The following CABYR variants were observed in gnomAD, a reference collection of about 807,000 sequenced individuals.
The protein encoded by CABYR is calcium-binding tyrosine phosphorylation-regulated protein.
Under a neutral mutation model 36.1 loss-of-function variants are expected in CABYR, and 31 were observed. That is an observed-to-expected ratio of 0.86 (90% CI 0.64 to 1.16). The LOEUF is 1.16. Among genes scored for constraint, CABYR ranks in the 50% most tolerant of loss-of-function variants. CABYR has a pLI of 0.00. For missense variants in CABYR, 429 were observed against 455.8 expected, an observed-to-expected ratio of 0.94 and a Z score of 0.53; for synonymous variants, 146 against 160.7, an observed-to-expected ratio of 0.91 and a Z score of 0.69.
chr18:24,156,560 T>G, intron 4 of CABYR: 1 of 1,614,200 alleles, frequency 6.2e-7, no homozygotes, highest in South Asian at 1.1e-5. Flanking sequence ...AGACCACCTC[T>G]GGCATGTCTA....
rs138431678 is a variant in CABYR, at chr18:24,156,541, T to C, written c.541+499T>C. On this transcript the variant is annotated intron_variant, in intron 4 of 5. Transcript: ENST00000399496. ...TCACCACGAGTTAGTCCCAAATCTG[T>C]AGTAGAAAAGACCACCTCTGGCATG... 2.7e-3 allele frequency: 4,400 copies of C among 1,614,134 alleles called. 13 individuals carry two copies. Among genetic ancestry groups the C allele is most frequent in the Middle Eastern group, 4.9e-3 (30 of 6,062 alleles).
chr18:24,143,080 C>A lies in CABYR; in HGVS notation c.-24-11C>A. On this transcript the variant is annotated splice_polypyrimidine_tract_variant and intron_variant, in intron 1 of 5. Transcript: ENST00000399496. ...AAACTAATTACTTCTAAGACTTTTT[C>A]TTCATTCTAGTTGAGTTACAGACAT... is the stretch of plus-strand genomic sequence containing the variant. 1 of 1,367,378 alleles carries A rather than the reference C, an allele frequency of 7.3e-7. No homozygotes were observed. The highest frequency in any genetic ancestry group is 9.9e-7 in the Non-Finnish European group (1 of 1,010,332). The allele number at this position is 1,367,378 out of a possible 1,614,324, so 84.7% of individuals were successfully genotyped here. A position where few individuals can be genotyped will look rare whatever the true frequency, so the allele number is the denominator to read the frequency against.
At chr18:24,160,606 A>AATT (rs2145890977) in intron 5 of CABYR, among the ~76,000 whole-genome samples, 1 of 152,300 alleles carries the variant, frequency 6.6e-6, no homozygotes, top group Non-Finnish European at 1.5e-5. Context: ...ATCATTTTTT[A>AATT]ATTTTTCATT....
intron 3 of CABYR, among the ~76,000 whole-genome samples, chr18:24,153,251 C>T (rs778966832): frequency 2.0e-5 from 3 of 151,814 alleles, no homozygotes; most frequent in African/African-American, 4.8e-5. Context: ...GCTTTGGACA[C>T]GGGGCTTTCT....
Position 24,143,232 on chromosome 18 carries a change from T to C in CABYR, c.118T>C (p.Tyr40His), listed in dbSNP as rs1326787162. The C allele has an allele frequency of 6.2e-7, 1 of 1,613,680 alleles. No homozygotes were observed. The highest frequency in any genetic ancestry group is 8.5e-7 in the Non-Finnish European group (1 of 1,179,934). Residue 40 changes from tyrosine to histidine, a missense_variant, in exon 2 of 6, where the codon TAT becomes CAT. Physicochemically the swap from Tyr to His is moderately conservative, Grantham distance 83. Coordinates refer to ENST00000399496, the MANE Select transcript of CABYR (RefSeq NM_153769.3). ...AAACATCAACCAGTTTGCAGCAGCT[T>C]ATTTTCAAGAACTTACTATGTATAG... Reference protein sequence around the residue: ...PSNINQFAAAYFQELTMYRGN... With the variant: ...PSNINQFAAAHFQELTMYRGN...
At chr18:24,156,730 A>G in intron 4 of CABYR, 3 of 1,614,194 alleles carry the variant, frequency 1.9e-6, no homozygotes, top group Non-Finnish European at 2.5e-6. Flanking sequence ...GGTGCTATCA[A>G]AATAGGCTCT....
intron 3 of CABYR, among the ~76,000 whole-genome samples, chr18:24,151,472 G>A (rs913964425): frequency 1.9e-4 from 29 of 152,096 alleles, no homozygotes; most frequent in Non-Finnish European, 2.6e-4. Context: ...TTATACAACC[G>A]ACATAATCTC....
intron 3 of CABYR, chr18:24,152,620 AAATT>A (rs1405776302): frequency 6.6e-6 from 1 of 152,212 alleles, no homozygotes; most frequent in Non-Finnish European, 1.5e-5. Context: ...AACATTTAAA[AAATT>A]AATTACATTT....
intron 4 of CABYR, chr18:24,156,801 G>T (rs769947094): frequency 6.2e-7 from 1 of 1,614,130 alleles, no homozygotes; most frequent in Non-Finnish European, 8.5e-7. Context: ...TACTGGGCAG[G>T]AGGAGTCTGG....
intron 1 of CABYR, among the ~76,000 whole-genome samples, chr18:24,141,820 G>A (rs1191783355): frequency 6.6e-6 from 1 of 152,126 alleles, no homozygotes; most frequent in Non-Finnish European, 1.5e-5. Flanking sequence ...CCACTTAAAA[G>A]GCAGAAAGGC....
At chr18:24,160,485 G>C (rs539967457) in intron 5 of CABYR, among the ~76,000 whole-genome samples, 23 of 152,344 alleles carry the variant, frequency 1.5e-4, no homozygotes, top group Non-Finnish European at 2.5e-4. Flanking sequence ...TTATGTAACA[G>C]AACACTTAAT....
At chr18:24,143,036 A>AC in intron 1 of CABYR, 55 bp from the exon 2 acceptor site, 6 of 1,329,890 alleles carry the variant, frequency 4.5e-6, no homozygotes, top group Admixed American at 2.4e-5. Context: ...AAAAAAAAAA[A>AC]AAAAAACCTA....
Position 24,160,016 on chromosome 18 carries a change from G to C in CABYR, c.1086G>C (p.Gly362=). 6.2e-7 allele frequency: 1 copy of C among 1,614,102 alleles called. No homozygotes were observed. The highest frequency in any genetic ancestry group is 8.5e-7 in the Non-Finnish European group (1 of 1,180,016). Residue 362 remains glycine, a synonymous_variant, in exon 5 of 6, where the codon GGG becomes GGC. Transcript: ENST00000399496. The part of the protein sequence containing the change: ...CAPFGSYGIA[G]EVTVTTAHKR... The stretch of plus-strand genomic sequence containing the variant: ...CCTTTGGAAGTTACGGTATTGCTGG[G>C]GAGGTAACCGTGACTACTGCTCACA...
chr18:24,149,694 G>C (rs954067597), intron 3 of CABYR, among the ~76,000 whole-genome samples: 12 of 152,356 alleles, frequency 7.9e-5, no homozygotes, highest in Non-Finnish European at 1.6e-4. Context: ...CCCGAGCCCT[G>C]CCCCGCAGGA....
At chr18:24,148,234 A>T (rs933103892) in intron 3 of CABYR, among the ~76,000 whole-genome samples, 21 of 152,184 alleles carry the variant, frequency 1.4e-4, no homozygotes, top group African/African-American at 5.1e-4. Flanking sequence ...CCTGCCTCCT[A>T]AAATACTAAT....
chr18:24,149,586 G>T (rs148286808), intron 3 of CABYR, among the ~76,000 whole-genome samples: 8,707 of 152,322 alleles, frequency 0.057, 835 homozygotes, highest in African/African-American at 0.2. Flanking sequence ...CGATGGGACT[G>T]GGTGCTGTGG....
chr18:24,161,449 G>A (rs2085984016), intron 5 of CABYR, 67 bp from the exon 6 acceptor site: 3 of 771,876 alleles, frequency 3.9e-6, no homozygotes, highest in Non-Finnish European at 4.8e-6. Flanking sequence ...CTAATCTTCT[G>A]CTCATTTCAC....
Position 24,159,782 on chromosome 18 carries a change from G to T in CABYR, c.852G>T (p.Gln284His), listed in dbSNP as rs1428202904. The change falls in exon 5 of 6, where the codon CAG (glutamine) becomes CAT (histidine). Residue 284 changes from glutamine (Q) to histidine (H), a missense_variant. Gln to His is a conservative substitution (Grantham distance 24). Transcript: ENST00000399496. ...TTCCTGGACATGCTGTCGTTTCACA[G>T]TCAGATGTCTTGAGATATGTTGCAA... The part of the protein sequence containing the change: ...KPLPGHAVVS[Q>H]SDVLRYVAMQ... 1 of 1,613,982 alleles carries T rather than the reference G, an allele frequency of 6.2e-7. No individual in the cohort carries two copies. The highest frequency in any genetic ancestry group is 8.5e-7 in the Non-Finnish European group (1 of 1,180,030).
rs749998397 is a variant in CABYR at position 24,156,608 on chromosome 18, G to A, written c.541+566G>A. 4 of 1,614,178 alleles carry A rather than the reference G, an allele frequency of 2.5e-6. No homozygotes were observed. In the South Asian group the frequency reaches 4.4e-5, roughly 18 times the overall value. ...AGTCTGTAAAACTTGCACAGTTGGAGGAGAATGCAAAATATTCCTCAGTAT... is the reference window on the plus strand; with the variant it reads ...AGTCTGTAAAACTTGCACAGTTGGAAGAGAATGCAAAATATTCCTCAGTAT... On this transcript the variant is annotated intron_variant, in intron 4 of 5. Coordinates refer to ENST00000399496, the MANE Select transcript of CABYR (RefSeq NM_153769.3).
Sources: gnomAD v4.1 joint callset for allele counts (sites outside exome capture counted in the v4.1 genomes callset) on GRCh38, gnomAD v4.1.1 for gene constraint, MANE v1.5 for transcripts, NCBI Gene and HGNC (gene_info 2026-07-23, HGNC 2026-07-21) for gene names.